Variants in LGSN observed in about 807,000 individuals in gnomAD.
LGSN encodes lengsin, lens protein with glutamine synthetase domain.
A neutral mutation model predicts 19.5 loss-of-function variants in LGSN; 21 were observed. The observed-to-expected ratio is 1.07, with a 90% CI of 0.76 to 1.55. LGSN has a LOEUF of 1.55. Ranked by LOEUF, LGSN falls within the 40% of genes most tolerant of loss-of-function variation. The probability of loss-of-function intolerance (pLI) is 0.00; values close to 1 mark genes in which losing one functional copy is unlikely to be tolerated. For missense variants in LGSN, 673 were observed against 608.5 expected, an observed-to-expected ratio of 1.11 and a Z score of -1.12; for synonymous variants, 257 against 215.6, an observed-to-expected ratio of 1.19 and a Z score of -1.68.
At chr6:63,457,646 G>A in the LGSN span, among the ~76,000 whole-genome samples, 2 of 152,218 alleles carry the variant, frequency 1.3e-5, no homozygotes, top group Admixed American at 6.5e-5. Context: ...GGGAGGCCGA[G>A]GCAGGCAGAT....
At chr6:63,379,370 G>C in the LGSN span, among the ~76,000 whole-genome samples, 2 of 152,108 alleles carry the variant, frequency 1.3e-5, no homozygotes, top group African/African-American at 4.8e-5. Flanking sequence ...CTAGACACAA[G>C]CCTCAGCAGA....
At chr6:63,517,897 C>T in the LGSN span, among the ~76,000 whole-genome samples, 81,457 of 151,974 alleles carry the variant, frequency 0.54, 23,654 homozygotes, top group African/African-American at 0.77. Flanking sequence ...CTCACGCCTG[C>T]AATCCCAACA....
At chr6:63,502,890 G>A in the LGSN span, among the ~76,000 whole-genome samples, 1 of 152,286 alleles carries the variant, frequency 6.6e-6, no homozygotes, top group Admixed American at 6.5e-5. Context: ...GTAGTAATTA[G>A]AAAATAATTC....
At chr6:63,398,120 A>G in the LGSN span, among the ~76,000 whole-genome samples, 2 of 151,448 alleles carry the variant, frequency 1.3e-5, no homozygotes, top group African/African-American at 4.8e-5. Context: ...TATGTACAGT[A>G]AATAAAACTT....
the LGSN span, among the ~76,000 whole-genome samples, chr6:63,457,320 C>T: frequency 5.3e-5 from 8 of 151,968 alleles, no homozygotes; most frequent in Admixed American, 1.3e-4. Flanking sequence ...GCCTGGCCAA[C>T]ATGGTGAAAC....
the LGSN span, among the ~76,000 whole-genome samples, chr6:63,416,659 C>G: frequency 6.6e-6 from 1 of 151,994 alleles, no homozygotes; most frequent in African/African-American, 2.4e-5. Context: ...TCACTGCAAC[C>G]TCCACCTCAG....
the LGSN span, among the ~76,000 whole-genome samples, chr6:63,425,522 C>T: frequency 6.6e-6 from 1 of 152,056 alleles, no homozygotes; most frequent in Non-Finnish European, 1.5e-5. Flanking sequence ...AAAGCTAATC[C>T]CAAAAGGTTA....
chr6:63,278,569 C>T lies in LGSN; in HGVS notation c.*1452G>A, dbSNP rs1437611081. 2 of 152,240 alleles carry T rather than the reference C, an allele frequency of 1.3e-5. No individual in the cohort carries two copies. Among genetic ancestry groups the T allele is most frequent in the African/African-American group, 4.8e-5 (2 of 41,404 alleles). 9.4% of individuals were successfully genotyped at this position (152,240 alleles called of 1,614,324 possible). The stretch of plus-strand genomic sequence containing the variant: ...GGCTCAAGCGATCCTCCCTTCTCAG[C>T]CTCCCACGTAGCTGGGACTACAGGC... On this transcript the variant is annotated 3_prime_UTR_variant, in exon 4 of 4. Transcript: ENST00000370657.
the LGSN span, among the ~76,000 whole-genome samples, chr6:63,371,090 G>A: frequency 2.0e-5 from 3 of 152,178 alleles, no homozygotes; most frequent in South Asian, 4.1e-4. Flanking sequence ...GTTAGTTAGC[G>A]TTCTTCTCTA....
rs1404777 is a variant in LGSN, at chr6:63,312,911, A to C, written c.30+7003T>G. On this transcript the variant is annotated intron_variant, in intron 1 of 3. Coordinates refer to ENST00000370657, the MANE Select transcript of LGSN (RefSeq NM_016571.3). The stretch of plus-strand genomic sequence containing the variant: ...TGACTAGGAAACCCAAAAAGCAAAG[A>C]CTTGAGAAAGGAAATTATGAGTTCT... 2.6e-5 allele frequency among the ~76,000 whole-genome samples: 4 copies of C among 152,256 alleles called. No homozygotes were observed. The Middle Eastern group carries it at 0.01, about 388-fold the overall frequency.
At chr6:63,521,611 A>G in the LGSN span, 1 of 152,348 alleles carries the variant, frequency 6.6e-6, no homozygotes, top group South Asian at 2.1e-4. Flanking sequence ...TTGGAAACAA[A>G]TAGCATATAT....
the LGSN span, among the ~76,000 whole-genome samples, chr6:63,450,803 G>A: frequency 6.6e-6 from 1 of 151,802 alleles, no homozygotes; most frequent in African/African-American, 2.4e-5. Context: ...CACCTGAGTA[G>A]CTGGGACTGC....
At chr6:63,507,524 T>C in the LGSN span, among the ~76,000 whole-genome samples, 1 of 152,172 alleles carries the variant, frequency 6.6e-6, no homozygotes, top group Admixed American at 6.6e-5. Context: ...TAGATCTAGT[T>C]GCATAGTCAC....
chr6:63,405,077 T>C, the LGSN span, among the ~76,000 whole-genome samples: 1 of 150,972 alleles, frequency 6.6e-6, no homozygotes, highest in African/African-American at 2.4e-5. Flanking sequence ...GTTCTTGCGA[T>C]AGTTTACTGA....
At position 63,294,969 on chromosome 6, in the gene LGSN, G is replaced by A; in HGVS notation, c.107C>T (p.Thr36Ile). 9 of 1,613,780 alleles carry A rather than the reference G, an allele frequency of 5.6e-6. No homozygotes were observed. The highest frequency in any genetic ancestry group is 7.6e-6 in the Non-Finnish European group (9 of 1,179,792). ...NTLRRTRKKV[T>I]KPYVCSTEVG... ...TTCAGTTGAACAAACATATGGTTTA[G>A]TGACTTTCTTCCTTGTCCTTCTTAA... The change falls in exon 2 of 4, where the codon ACT (threonine) becomes ATT (isoleucine). Residue 36 changes from threonine (T) to isoleucine (I), a missense_variant. Transcript: ENST00000370657.
chr6:63,401,801 G>A, the LGSN span, among the ~76,000 whole-genome samples: 2 of 152,174 alleles, frequency 1.3e-5, no homozygotes, highest in African/African-American at 2.4e-5. Context: ...AGGGCAAAAG[G>A]CTGATTTAAG....
the LGSN span, among the ~76,000 whole-genome samples, chr6:63,429,821 C>T: frequency 2.0e-5 from 3 of 152,036 alleles, no homozygotes; most frequent in African/African-American, 7.2e-5. Flanking sequence ...CAAGCTCCTC[C>T]TATCATTCTG....
the LGSN span, among the ~76,000 whole-genome samples, chr6:63,421,138 C>CG: frequency 2.8e-3 from 431 of 152,098 alleles, 3 homozygotes; most frequent in African/African-American, 9.9e-3. Flanking sequence ...ATTATTCAGT[C>CG]TGGCCAGGCA....
At chr6:63,444,929 A>C in the LGSN span, among the ~76,000 whole-genome samples, 3 of 152,184 alleles carry the variant, frequency 2.0e-5, no homozygotes, top group Admixed American at 2.0e-4. Flanking sequence ...GGACAAGGTC[A>C]CTTTGTCCAA....
Sources: allele counts gnomAD v4.1 joint callset (sites outside exome capture counted in the v4.1 genomes callset), GRCh38; gene constraint gnomAD v4.1.1; transcripts MANE v1.5; gene names NCBI Gene and HGNC (gene_info 2026-07-23, HGNC 2026-07-21).